Variants in KLHL12 observed in about 807,000 individuals in gnomAD.
KLHL12 encodes kelch-like protein 12.
KLHL12 carries 17 observed loss-of-function variants against 60.8 expected under a neutral mutation model. That is an observed-to-expected ratio of 0.28 (90% CI 0.19 to 0.42). The LOEUF (loss-of-function observed/expected upper bound fraction) is 0.42, where lower values mean the gene tolerates loss of function less well. Among genes scored for constraint, KLHL12 ranks in the 10% least tolerant of loss-of-function variants. KLHL12 has a pLI of 1.00. For synonymous variants in KLHL12, 220 were observed against 250.9 expected, an observed-to-expected ratio of 0.88 and a Z score of 1.16; for missense variants, 468 against 722.3, an observed-to-expected ratio of 0.65 and a Z score of 4.04.
intron 4 of KLHL12, among the ~76,000 whole-genome samples, chr1:202,917,118 T>C (rs749024855): frequency 6.6e-6 from 1 of 152,172 alleles, no homozygotes; most frequent in South Asian, 2.1e-4. Context: ...CTACTGGTAC[T>C]CTGATTTAGA....
In KLHL12 at chr1:202,891,712, C is replaced by T. The variant is rs1467036943; in HGVS notation, c.*821G>A. 2 of 152,322 alleles carry T rather than the reference C, an allele frequency of 1.3e-5. No homozygotes were observed. Among genetic ancestry groups the T allele is most frequent in the East Asian group, 3.9e-4 (2 of 5,190 alleles). The allele number at this position is 152,322 out of a possible 1,614,324, so 9.4% of individuals were successfully genotyped here. A position where few individuals can be genotyped will look rare whatever the true frequency, so the allele number is the denominator to read the frequency against. Reference sequence around the variant, plus strand: ...AATCACAGGTTCTTCTAGTTTATCCCCAGTTATACTGAACTCCCACATTGA... The same window carrying T: ...AATCACAGGTTCTTCTAGTTTATCCTCAGTTATACTGAACTCCCACATTGA... On this transcript the variant is annotated 3_prime_UTR_variant, in exon 12 of 12. Coordinates refer to ENST00000367261, the MANE Select transcript of KLHL12 (RefSeq NM_021633.4).
At chr1:202,917,401 C>G (rs1354096496) in intron 4 of KLHL12, among the ~76,000 whole-genome samples, 1 of 151,954 alleles carries the variant, frequency 6.6e-6, no homozygotes, top group Non-Finnish European at 1.5e-5. Flanking sequence ...TTTGTAGAGA[C>G]AGGGTTTTGC....
intron 3 of KLHL12, among the ~76,000 whole-genome samples, 193 bp from the exon 4 acceptor site, chr1:202,918,581 G>T (rs1660593695): frequency 6.6e-6 from 1 of 152,172 alleles, no homozygotes; most frequent in South Asian, 2.1e-4. Flanking sequence ...GCCACTTTCA[G>T]CAAGACCTTT....
chr1:202,905,126 G>GA (rs1403551960), intron 6 of KLHL12, among the ~76,000 whole-genome samples: 1 of 152,122 alleles, frequency 6.6e-6, no homozygotes, highest in Non-Finnish European at 1.5e-5. Context: ...TTCCCTTCTA[G>GA]AACTTCTGAA....
intron 4 of KLHL12, chr1:202,912,285 T>C (rs1385176450): frequency 1.1e-6 from 1 of 891,468 alleles, no homozygotes; most frequent in Admixed American, 1.7e-5. Flanking sequence ...TGACCATGAC[T>C]CTGTGAATAA....
rs201795698 is a variant in KLHL12, at chr1:202,896,932, C to T, written c.861G>A (p.Gly287=). The T allele has an allele frequency of 2.5e-6, 4 of 1,614,122 alleles. No individual in the cohort carries two copies. The Admixed American group carries it at 5.0e-5, about 20-fold the overall frequency. ...LGANEVLLVV[G]GFGSQQSPID... ...TGGGAGACTGCTGGCTTCCAAAGCC[C>T]CCAACCACCAAAAGCACTTCATTGG... The change falls in exon 7 of 12, where the codon GGG becomes GGA. Residue 287 remains glycine, a synonymous_variant. Coordinates refer to ENST00000367261, the MANE Select transcript of KLHL12 (RefSeq NM_021633.4).
At position 202,909,297 on chromosome 1, in the gene KLHL12, T is replaced by C. The variant is rs913258443; in HGVS notation, c.718-173A>G. 4.5e-5 allele frequency: 21 copies of C among 468,230 alleles called. No homozygotes were observed. Among genetic ancestry groups the C allele is most frequent in the African/African-American group, 1.2e-4 (6 of 49,190 alleles). The allele number at this position is 468,230 out of a possible 1,614,324, so 29.0% of individuals were successfully genotyped here. A position where few individuals can be genotyped will look rare whatever the true frequency, so the allele number is the denominator to read the frequency against. ...ATGCTCTCGGTTTCCAGAAATGATT[T>C]TTAAAATTTACTTGAAAAATAGATA... On this transcript the variant is annotated intron_variant, in intron 5 of 11. Transcript: ENST00000367261. The surrounding 1 kb of genome is among the most constrained non-coding windows in gnomAD (Gnocchi z 4.1).
intron 2 of KLHL12, among the ~76,000 whole-genome samples, chr1:202,923,308 G>C (rs1033618876): frequency 6.6e-6 from 1 of 152,176 alleles, no homozygotes; most frequent in Non-Finnish European, 1.5e-5. Context: ...GCAGCTGCTG[G>C]GTGACACTCT....
intron 6 of KLHL12, 89 bp downstream of exon 6, chr1:202,908,921 C>T (rs922558951): frequency 9.7e-6 from 8 of 822,102 alleles, no homozygotes; most frequent in East Asian, 2.5e-5. Flanking sequence ...GGTGTCTGTA[C>T]TTCTTATAGA....
chr1:202,898,784 T>A (rs1479020294), intron 6 of KLHL12, among the ~76,000 whole-genome samples: 1 of 151,806 alleles, frequency 6.6e-6, no homozygotes, highest in East Asian at 1.9e-4. Flanking sequence ...AGACATGAAA[T>A]CACGAGCAAC....
chr1:202,910,569 T>C (rs1307429266), intron 5 of KLHL12, among the ~76,000 whole-genome samples: 2 of 152,112 alleles, frequency 1.3e-5, no homozygotes. Flanking sequence ...ATGGTAAAAA[T>C]TATGAAAAAG....
chr1:202,911,096 G>T lies in KLHL12; in HGVS notation c.675C>A (p.Pro225=), dbSNP rs937705446. 1.9e-6 allele frequency: 3 copies of T among 1,613,940 alleles called. No individual in the cohort carries two copies. In the African/African-American group the frequency reaches 4.0e-5, roughly 22 times the overall value. ...CTGTGATATACCTGGGGGTTAGTAGGGGCATCCGCACATACTGTAGCAGGT... is the reference window on the plus strand; with the variant it reads ...CTGTGATATACCTGGGGGTTAGTAGTGGCATCCGCACATACTGTAGCAGGT... ...LPNLLQYVRM[P]LLTPRYITDV... is the part of the protein sequence containing the mutation. Residue 225 remains proline (P), a synonymous_variant, in exon 5 of 12, where the codon CCC becomes CCA. Transcript: ENST00000367261.
Position 202,912,481 on chromosome 1 carries a change from T to TGGATATGGC in KLHL12, c.568-1279_568-1278insGCCATATCC, listed in dbSNP as rs1660394831. The TGGATATGGC allele has an allele frequency of 7.7e-6, 7 of 905,032 alleles. No homozygotes were observed. The Admixed American group carries it at 1.2e-4, about 15-fold the overall frequency. 56.1% of individuals were successfully genotyped at this position (905,032 alleles called of 1,614,324 possible). A position where few individuals can be genotyped will look rare whatever the true frequency, so the allele number is the denominator to read the frequency against. On this transcript the variant is annotated intron_variant, in intron 4 of 11. Coordinates refer to ENST00000367261, the MANE Select transcript of KLHL12 (RefSeq NM_021633.4). ...GCCGTGGTGGTGGTGGTGGATATGG[T>TGGATATGGC]GGCAGTGAGGATGGCGATAATGGAT... is the stretch of plus-strand genomic sequence containing the variant.
chr1:202,912,620 A>C (rs936764909), intron 4 of KLHL12: 33 of 1,344,224 alleles, frequency 2.5e-5, no homozygotes, highest in Non-Finnish European at 3.5e-5. Flanking sequence ...TGGAGGCAGA[A>C]GCTCTGGGCC....
Position 202,892,616 on chromosome 1 carries a change from G to A in KLHL12, c.1624C>T (p.Pro542Ser). The change falls in exon 12 of 12, where the codon CCT becomes TCT. Residue 542 changes from proline (P) to serine (S), a missense_variant. Transcript: ENST00000367261. The part of the protein sequence containing the change: ...SLLSSIECYD[P>S]IIDSWEVVTS... Reference sequence around the variant, plus strand: ...ACGACTTCCCAGCTGTCGATGATAGGGTCATAACATTCAATGCTACTTAGC... The same window carrying A: ...ACGACTTCCCAGCTGTCGATGATAGAGTCATAACATTCAATGCTACTTAGC... The A allele has an allele frequency of 6.2e-7, 1 of 1,613,984 alleles. No individual in the cohort carries two copies. The highest frequency in any genetic ancestry group is 8.5e-7 in the Non-Finnish European group (1 of 1,179,940).
chr1:202,926,623 A>C (rs78427595), intron 1 of KLHL12, among the ~76,000 whole-genome samples: 1 of 152,334 alleles, frequency 6.6e-6, no homozygotes, highest in East Asian at 1.9e-4. Flanking sequence ...CCGTGTCAAA[A>C]TGACAGTACC....
chr1:202,921,593 GA>G (rs1660699915), intron 2 of KLHL12, among the ~76,000 whole-genome samples: 1 of 152,194 alleles, frequency 6.6e-6, no homozygotes, highest in Non-Finnish European at 1.5e-5. Flanking sequence ...TATTGGGTTA[GA>G]CTAACTGAAT....
chr1:202,924,958 T>C lies in KLHL12; in HGVS notation c.195+10A>G. 1 of 1,609,650 alleles carries C rather than the reference T, an allele frequency of 6.2e-7. No homozygotes were observed. Among genetic ancestry groups the C allele is most frequent in the Non-Finnish European group, 8.5e-7 (1 of 1,177,242 alleles). ...GGGTTTCATTTGTGTGGGGCTAATT[T>C]ACCACTTACCTCACTAGTGAACATG... On this transcript the variant is annotated intron_variant, in intron 2 of 11. Coordinates refer to ENST00000367261, the MANE Select transcript of KLHL12 (RefSeq NM_021633.4).
chr1:202,897,004 T>C (rs1357447351), intron 6 of KLHL12, 44 bp from the exon 7 acceptor site: 44 of 1,421,110 alleles, frequency 3.1e-5, no homozygotes, highest in Non-Finnish European at 4.1e-5. Flanking sequence ...TCAGCATCCC[T>C]GGATGGGTAA....
Sources: allele counts gnomAD v4.1 joint callset (sites outside exome capture counted in the v4.1 genomes callset), GRCh38; gene constraint gnomAD v4.1.1; non-coding constraint Gnocchi (gnomAD v3.1); transcripts MANE v1.5; gene names NCBI Gene and HGNC (gene_info 2026-07-23, HGNC 2026-07-21).